The following SPOCK1 variants were observed in gnomAD, a reference collection of about 807,000 sequenced individuals.
SPOCK1 encodes the protein SPARC (osteonectin), cwcv and kazal like domains proteoglycan 1, also known as testican-1.
In SPOCK1, 23 loss-of-function variants were observed where a neutral mutation model predicts 55.3. The ratio of observed to expected loss-of-function variants is 0.42; its 90% CI spans 0.30 to 0.59. SPOCK1 has a LOEUF of 0.59. Ranked by LOEUF, SPOCK1 falls within the 20% of genes least tolerant of loss-of-function variation. The pLI is 0.22. For missense variants in SPOCK1, 499 were observed against 552.5 expected (o/e 0.90, Z 0.97); for synonymous variants, 226 against 221.0 (o/e 1.02, Z -0.20).
intron 3 of SPOCK1, among the ~76,000 whole-genome samples, chr5:137,213,953 T>C (rs897708002): frequency 6.6e-6 from 1 of 152,218 alleles, no homozygotes; most frequent in Non-Finnish European, 1.5e-5. Context: ...GTGCATCTGT[T>C]CGTGTCTGCA....
At chr5:137,102,646 T>C (rs1401948448) in intron 5 of SPOCK1, among the ~76,000 whole-genome samples, 1 of 152,188 alleles carries the variant, frequency 6.6e-6, no homozygotes, top group Admixed American at 6.5e-5. Flanking sequence ...TTTTCACTCG[T>C]GGAAGTAAAA....
chr5:137,335,585 C>T (rs1327471468), intron 2 of SPOCK1, among the ~76,000 whole-genome samples: 2 of 152,318 alleles, frequency 1.3e-5, no homozygotes, highest in African/African-American at 2.4e-5. Flanking sequence ...ACACTGCTTA[C>T]GGCCTCTGCA....
chr5:137,402,694 C>T (rs76719723), intron 2 of SPOCK1, among the ~76,000 whole-genome samples: 1 of 152,076 alleles, frequency 6.6e-6, no homozygotes, highest in Non-Finnish European at 1.5e-5. Context: ...TTTGAAATCA[C>T]GTCATATTTC....
chr5:137,484,802 G>T lies in SPOCK1; in HGVS notation c.186+13571C>A, dbSNP rs144382911. 1.6e-3 allele frequency among the ~76,000 whole-genome samples: 242 copies of T among 152,228 alleles called. 1 individual carries two copies. Among genetic ancestry groups the T allele is most frequent in the African/African-American group, 5.1e-3 (210 of 41,516 alleles). On this transcript the variant is annotated intron_variant, in intron 2 of 10. Coordinates refer to ENST00000394945, the MANE Select transcript of SPOCK1 (RefSeq NM_004598.4). ...AGAAACAACCAATTGCCTACCATCA[G>T]ATACCTTAGTTTGGTATACTGTAGC...
intron 2 of SPOCK1, among the ~76,000 whole-genome samples, chr5:137,370,299 C>T (rs2285683): frequency 0.13 from 19,396 of 152,152 alleles, 1,550 homozygotes; most frequent in East Asian, 0.27. Flanking sequence ...CATCATGCCA[C>T]GATCAGACAG....
At chr5:137,356,828 T>TAGAGAGAGAGAGAGAG (rs1750820221) in intron 2 of SPOCK1, among the ~76,000 whole-genome samples, 1 of 14,916 alleles carries the variant, frequency 6.7e-5, no homozygotes, top group Non-Finnish European at 1.3e-4. Flanking sequence ...TATATATATA[T>TAGAGAGAGAGAGAGAG]ATATATATAT....
intron 3 of SPOCK1, among the ~76,000 whole-genome samples, chr5:137,157,623 C>T (rs990577196): frequency 1.3e-5 from 2 of 152,222 alleles, no homozygotes; most frequent in African/African-American, 4.8e-5. Context: ...TACATGGTTT[C>T]TCTCTCCATA....
At chr5:137,309,896 A>G (rs1757761230) in intron 2 of SPOCK1, among the ~76,000 whole-genome samples, 1 of 152,170 alleles carries the variant, frequency 6.6e-6, no homozygotes, top group African/African-American at 2.4e-5. Context: ...AGGGTCTGAC[A>G]TATCACATGT....
At chr5:137,487,286 A>T (rs1754078640) in intron 2 of SPOCK1, among the ~76,000 whole-genome samples, 1 of 146,132 alleles carries the variant, frequency 6.8e-6, no homozygotes. Context: ...CTAAACTTTG[A>T]TGAGTCCTTT....
chr5:137,218,257 G>T (rs1312189277), intron 3 of SPOCK1, among the ~76,000 whole-genome samples: 1 of 152,188 alleles, frequency 6.6e-6, no homozygotes, highest in Non-Finnish European at 1.5e-5. Context: ...TTGACTTTCG[G>T]TCTAATGGGT....
intron 2 of SPOCK1, among the ~76,000 whole-genome samples, chr5:137,364,123 A>T (rs975913615): frequency 6.6e-6 from 1 of 152,138 alleles, no homozygotes; most frequent in African/African-American, 2.4e-5. Flanking sequence ...ATTAACCTCC[A>T]TCACATGGGG....
intron 5 of SPOCK1, among the ~76,000 whole-genome samples, chr5:137,097,346 T>C (rs1221964585): frequency 6.6e-6 from 1 of 152,212 alleles, no homozygotes; most frequent in Non-Finnish European, 1.5e-5. Context: ...AGTACAGTCA[T>C]CCCAGCAACC....
At chr5:137,174,639 G>A (rs1055270397) in intron 3 of SPOCK1, among the ~76,000 whole-genome samples, 7 of 152,220 alleles carry the variant, frequency 4.6e-5, no homozygotes, top group African/African-American at 1.7e-4. Context: ...GATCATCCCA[G>A]AATGTGCAGG....
chr5:137,277,348 T>C (rs1757086307), intron 2 of SPOCK1, among the ~76,000 whole-genome samples: 1 of 152,212 alleles, frequency 6.6e-6, no homozygotes, highest in Non-Finnish European at 1.5e-5. Flanking sequence ...GTTATAGTTG[T>C]GGAAATTGAA....
At chr5:137,219,382 G>A (rs1035912438) in intron 3 of SPOCK1, among the ~76,000 whole-genome samples, 1 of 152,162 alleles carries the variant, frequency 6.6e-6, no homozygotes, top group Non-Finnish European at 1.5e-5. Flanking sequence ...CACTTAGCAG[G>A]TCCTGCCCTG....
chr5:137,332,220 C>G lies in SPOCK1; in HGVS notation c.187-65165G>C, dbSNP rs200620746. Among the ~76,000 whole-genome samples the G allele has an allele frequency of 7.2e-5, 11 of 152,144 alleles. No homozygotes were observed. In the East Asian group the frequency reaches 9.7e-4, roughly 13 times the overall value. ...CCTTCCCTCTGTCTCGACACTCCCCCCCAGCCCTCTTCACAAGACTGTGCC... is the reference window on the plus strand; with the variant it reads ...CCTTCCCTCTGTCTCGACACTCCCCGCCAGCCCTCTTCACAAGACTGTGCC... On this transcript the variant is annotated intron_variant, in intron 2 of 10. Transcript: ENST00000394945.
intron 2 of SPOCK1, among the ~76,000 whole-genome samples, chr5:137,283,871 T>G (rs1158940555): frequency 3.3e-5 from 5 of 152,142 alleles, no homozygotes; most frequent in Admixed American, 2.0e-4. Context: ...ATAGGCCCAG[T>G]AGGCAGCAGA....
At position 137,308,164 on chromosome 5, in the gene SPOCK1, G is replaced by T. The variant is rs138010207; in HGVS notation, c.187-41109C>A. ...TCTTTGTATTCCCAACTGGACTTCA[G>T]CCAGTGCAGGGCATGCAAAAGTACT... On this transcript the variant is annotated intron_variant, in intron 2 of 10. Coordinates refer to ENST00000394945, the MANE Select transcript of SPOCK1 (RefSeq NM_004598.4). 3.0e-4 allele frequency among the ~76,000 whole-genome samples: 46 copies of T among 152,284 alleles called. No individual in the cohort carries two copies. The East Asian group carries it at 8.1e-3, about 27-fold the overall frequency.
rs536434483 is a variant in SPOCK1 at position 137,158,256 on chromosome 5, C to A, written c.233-17562G>T. On this transcript the variant is annotated intron_variant, in intron 3 of 10. Coordinates refer to ENST00000394945, the MANE Select transcript of SPOCK1 (RefSeq NM_004598.4). Reference sequence around the variant, plus strand: ...AGCCCCAGGGCAGAGGGGACACTGGCAATGATTAGACTGGGGTTCCTGCTG... The same window carrying A: ...AGCCCCAGGGCAGAGGGGACACTGGAAATGATTAGACTGGGGTTCCTGCTG... 3.9e-5 allele frequency among the ~76,000 whole-genome samples: 6 copies of A among 152,272 alleles called. No individual in the cohort carries two copies. The South Asian group carries it at 1.2e-3, about 32-fold the overall frequency.
Sources: gnomAD v4.1 joint callset for allele counts (sites outside exome capture counted in the v4.1 genomes callset) on GRCh38, gnomAD v4.1.1 for gene constraint, MANE v1.5 for transcripts, NCBI Gene and HGNC (gene_info 2026-07-23, HGNC 2026-07-21) for gene names.